The following DGKG variants were observed in gnomAD, a reference collection of about 807,000 sequenced individuals.
DGKG encodes DAG kinase gamma.
Under a neutral mutation model 105.3 loss-of-function variants are expected in DGKG, and 78 were observed. The ratio of observed to expected loss-of-function variants is 0.74; its 90% CI spans 0.62 to 0.89. DGKG has a LOEUF of 0.89. DGKG is among the 40% of genes least tolerant of loss of function. DGKG has a pLI of 0.00. For missense variants in DGKG, 958 were observed against 1,020.1 expected (o/e 0.94, Z 0.83); for synonymous variants, 346 against 367.1 (o/e 0.94, Z 0.66).
In DGKG at chr3:186,266,764, A is replaced by C. The variant is rs187316538; in HGVS notation, c.1209+921T>G. ...AGGTGCCCACTACCACGCCTGGCTAATTTTTGTATTTTTAGTAGAGATGGG... is the reference window on the plus strand; with the variant it reads ...AGGTGCCCACTACCACGCCTGGCTACTTTTTGTATTTTTAGTAGAGATGGG... On this transcript the variant is annotated intron_variant, in intron 13 of 24. Transcript: ENST00000265022. 1.3e-4 allele frequency among the ~76,000 whole-genome samples: 20 copies of C among 152,006 alleles called. 1 individual carries two copies. The highest frequency in any genetic ancestry group is 4.1e-4 in the African/African-American group (17 of 41,454).
Position 186,292,917 on chromosome 3 carries a change from T to A in DGKG, c.374-4037A>T, listed in dbSNP as rs185801839. Among the ~76,000 whole-genome samples the A allele has an allele frequency of 2.0e-3, 300 of 152,254 alleles. 1 individual carries two copies. The highest frequency in any genetic ancestry group is 2.7e-3 in the Non-Finnish European group (184 of 68,008). On this transcript the variant is annotated intron_variant, in intron 5 of 24. Transcript: ENST00000265022. ...TACAAGGAGATTACACACACACACA[T>A]GTAATTGCATTGGTAAAATTATGGA...
intron 3 of DGKG, among the ~76,000 whole-genome samples, chr3:186,301,551 C>T (rs1029095553): frequency 2.1e-4 from 32 of 152,228 alleles, no homozygotes; most frequent in African/African-American, 6.5e-4. Context: ...GGCATGAACC[C>T]GGGAGGCGGA....
intron 21 of DGKG, among the ~76,000 whole-genome samples, chr3:186,191,044 CT>C (rs1157084148): frequency 3.3e-5 from 5 of 152,122 alleles, no homozygotes; most frequent in Non-Finnish European, 7.3e-5. Context: ...CATGCCTCAT[CT>C]TTCATAAATG....
At chr3:186,195,838 G>A (rs1718152591) in intron 21 of DGKG, among the ~76,000 whole-genome samples, 1 of 152,120 alleles carries the variant, frequency 6.6e-6, no homozygotes, top group Non-Finnish European at 1.5e-5. Context: ...ATTTAGGGTT[G>A]GCTTTTTGGC....
At chr3:186,192,268 G>A (rs1717945906) in intron 21 of DGKG, among the ~76,000 whole-genome samples, 4 of 152,062 alleles carry the variant, frequency 2.6e-5, no homozygotes, top group South Asian at 4.2e-4. Context: ...CTTGACCTCC[G>A]GAAGTGCTGG....
rs1336108359 is a variant in DGKG, at chr3:186,210,903, C to T, written c.1917+892G>A. Among the ~76,000 whole-genome samples the T allele has an allele frequency of 1.3e-5, 2 of 152,242 alleles. No individual in the cohort carries two copies. The highest frequency in any genetic ancestry group is 2.9e-5 in the Non-Finnish European group (2 of 68,044). On this transcript the variant is annotated intron_variant, in intron 21 of 24. Coordinates refer to ENST00000265022, the MANE Select transcript of DGKG (RefSeq NM_001346.3). This position sits in a 1 kb window ranked among gnomAD's most constrained non-coding sequence, Gnocchi z 5.2. ...GCAAGAGAACCAATGGGCGTAAAGTCCCACGGAGCAGGTGTGCATAGAAGT... is the reference window on the plus strand; with the variant it reads ...GCAAGAGAACCAATGGGCGTAAAGTTCCACGGAGCAGGTGTGCATAGAAGT...
intron 9 of DGKG, chr3:186,279,300 C>G: frequency 6.6e-6 from 1 of 152,408 alleles, no homozygotes; most frequent in Non-Finnish European, 1.5e-5. Flanking sequence ...GTGTCAGAGA[C>G]AAATCCTCAC....
intron 3 of DGKG, among the ~76,000 whole-genome samples, chr3:186,306,324 T>G (rs974063291): frequency 1.3e-5 from 2 of 151,992 alleles, no homozygotes; most frequent in African/African-American, 4.8e-5. Flanking sequence ...GATGTTTACA[T>G]GTTGATGGAA....
At chr3:186,157,571 G>C (rs924483482) in intron 24 of DGKG, among the ~76,000 whole-genome samples, 3 of 152,068 alleles carry the variant, frequency 2.0e-5, no homozygotes, top group Non-Finnish European at 2.9e-5. Flanking sequence ...CACCAATAAG[G>C]CCATCTGTTT....
intron 18 of DGKG, among the ~76,000 whole-genome samples, chr3:186,252,540 T>G (rs112340165): frequency 5.9e-5 from 9 of 152,338 alleles, no homozygotes; most frequent in African/African-American, 2.2e-4. Flanking sequence ...CCCCTTGTCT[T>G]ATACACTGGT....
At chr3:186,315,013 A>ACT (rs1724748684) in intron 2 of DGKG, among the ~76,000 whole-genome samples, 1 of 152,138 alleles carries the variant, frequency 6.6e-6, no homozygotes, top group African/African-American at 2.4e-5. Flanking sequence ...GAGGGTCAGT[A>ACT]GGCGGCATCC....
At chr3:186,213,518 A>T (rs1438043762) in intron 20 of DGKG, among the ~76,000 whole-genome samples, 1 of 152,236 alleles carries the variant, frequency 6.6e-6, no homozygotes, top group Non-Finnish European at 1.5e-5. Flanking sequence ...TTTTATGAAG[A>T]TGCACATTCT....
At chr3:186,262,060 TACCTACA>T in intron 14 of DGKG, 2 of 321,554 alleles carry the variant, frequency 6.2e-6, no homozygotes, top group Non-Finnish European at 1.2e-5. Context: ...CGTGGTCTTG[TACCTACA>T]GCACAAGATG....
At chr3:186,206,184 G>A (rs1718724081) in intron 21 of DGKG, among the ~76,000 whole-genome samples, 1 of 152,158 alleles carries the variant, frequency 6.6e-6, no homozygotes, top group South Asian at 2.1e-4. Context: ...AGGAGTTCGA[G>A]ACCATCCTGC....
chr3:186,264,143 G>GT (rs1308428348), intron 14 of DGKG, among the ~76,000 whole-genome samples: 1 of 152,254 alleles, frequency 6.6e-6, no homozygotes, highest in Non-Finnish European at 1.5e-5. Flanking sequence ...TGGCATACAT[G>GT]TATCGGGTGT....
rs575582869 is a variant in DGKG, at chr3:186,215,336, G to A, written c.1827-3451C>T. 4.2e-4 allele frequency among the ~76,000 whole-genome samples: 64 copies of A among 151,598 alleles called. 1 individual carries two copies. In the South Asian group the frequency reaches 0.01, roughly 24 times the overall value. On this transcript the variant is annotated intron_variant, in intron 20 of 24. Transcript: ENST00000265022. ...TGAGGTGGGAGAATTGCTTGAACCC[G>A]GGAGGCGGAGGATGCAGTGAGCTGA...
At chr3:186,304,175 A>C (rs1578805696) in intron 3 of DGKG, among the ~76,000 whole-genome samples, 1 of 151,300 alleles carries the variant, frequency 6.6e-6, no homozygotes, top group South Asian at 2.1e-4. Context: ...TTCCTCTCCC[A>C]CTCATCAGCC....
At chr3:186,278,700 T>C (rs902283583) in intron 9 of DGKG, among the ~76,000 whole-genome samples, 3 of 152,130 alleles carry the variant, frequency 2.0e-5, no homozygotes, top group Non-Finnish European at 2.9e-5. Context: ...GCTTCAGAAA[T>C]GGGGGCTCAG....
Position 186,235,795 on chromosome 3 carries a change from G to A in DGKG, c.1826+6709C>T, listed in dbSNP as rs145301556. On this transcript the variant is annotated intron_variant, in intron 20 of 24. Coordinates refer to ENST00000265022, the MANE Select transcript of DGKG (RefSeq NM_001346.3). ...GGTTGGGGAGAGGTACGTGGTGGGT[G>A]AGGGGAAAGAAGTATCCGTGAGGGA... Among the ~76,000 whole-genome samples the A allele has an allele frequency of 2.0e-5, 3 of 152,266 alleles. No individual in the cohort carries two copies. The East Asian group carries it at 5.8e-4, about 29-fold the overall frequency.
Sources: allele counts gnomAD v4.1 joint callset (sites outside exome capture counted in the v4.1 genomes callset), GRCh38; gene constraint gnomAD v4.1.1; non-coding constraint Gnocchi (gnomAD v3.1); transcripts MANE v1.5; gene names NCBI Gene and HGNC (gene_info 2026-07-23, HGNC 2026-07-21).